Variants in CLDN2 observed in about 807,000 individuals in gnomAD.
The protein encoded by CLDN2 is claudin 2, also known as claudin-2.
A neutral mutation model predicts 8.2 loss-of-function variants in CLDN2; 1 was observed. The observed-to-expected ratio is 0.12, with a 90% CI of 0.04 to 0.58. The LOEUF (loss-of-function observed/expected upper bound fraction) is 0.58. Ranked by LOEUF, CLDN2 falls within the 20% of genes least tolerant of loss-of-function variation. The pLI is 0.90. For synonymous variants in CLDN2, 70 were observed against 70.2 expected (o/e 1.00, Z 0.01); for missense variants, 108 against 172.9 (o/e 0.62, Z 2.11).
chrX:106,900,941 G>A, intron 1 of CLDN2: 5 of 1,195,258 alleles, frequency 4.2e-6, no homozygotes, highest in Non-Finnish European at 5.6e-6. Flanking sequence ...GCCCCTAACA[G>A]GTGTCATATG....
At chrX:106,907,055 C>T (rs1933189254) in intron 1 of CLDN2, among the ~76,000 whole-genome samples, 1 of 112,193 alleles carries the variant, frequency 8.9e-6, no homozygotes, top group Non-Finnish European at 1.9e-5. Flanking sequence ...TTGGCTCCAG[C>T]CACATTATCT....
At chrX:106,914,149 C>A (rs190388395), upstream of CLDN2, among the ~76,000 whole-genome samples, 99 of 108,522 alleles carry the variant, frequency 9.1e-4, 2 homozygotes, top group African/African-American at 3.2e-3. Context: ...GTGGGTTTTG[C>A]CATGTTGCCC....
chrX:106,923,733 G>C (rs1381711813), intron 1 of CLDN2, among the ~76,000 whole-genome samples: 1 of 111,366 alleles, frequency 9.0e-6, no homozygotes, highest in African/African-American at 3.3e-5. Context: ...CATTCAGGTA[G>C]GGCCATTCCA....
At chrX:106,918,931 C>T (rs1175386934), upstream of CLDN2, among the ~76,000 whole-genome samples, 2 of 112,050 alleles carry the variant, frequency 1.8e-5, no homozygotes. Flanking sequence ...GTTGTATTGG[C>T]CTTTAAAACA....
chrX:106,903,660 A>C (rs1381748840), intron 1 of CLDN2, among the ~76,000 whole-genome samples: 1 of 112,271 alleles, frequency 8.9e-6, no homozygotes, highest in East Asian at 2.8e-4. Context: ...CTCTGAAACC[A>C]CAGAGATGTC....
At chrX:106,927,021 T>G (rs1269304735) in intron 1 of CLDN2, among the ~76,000 whole-genome samples, 3 of 110,885 alleles carry the variant, frequency 2.7e-5, no homozygotes, top group African/African-American at 9.9e-5. Context: ...AGGTCGAGGC[T>G]GCAATGAGCC....
intron 1 of CLDN2, among the ~76,000 whole-genome samples, chrX:106,922,251 C>A (rs146345460): frequency 1.8e-5 from 2 of 112,498 alleles, no homozygotes; most frequent in African/African-American, 3.2e-5. Flanking sequence ...CTGAACCCCC[C>A]CTCCATGGGG....
At chrX:106,911,009 A>G (rs1302187658) in intron 1 of CLDN2, among the ~76,000 whole-genome samples, 2 of 112,249 alleles carry the variant, frequency 1.8e-5, no homozygotes, top group African/African-American at 6.5e-5. Context: ...CACTCAGTAA[A>G]TGGTGACTAT....
intron 1 of CLDN2, chrX:106,900,796 C>T (rs1224094981): frequency 1.7e-6 from 2 of 1,211,315 alleles, no homozygotes; most frequent in South Asian, 1.8e-5. Flanking sequence ...TCTTCTTCTT[C>T]GCTGTCTGAG....
At chrX:106,915,479 T>C (rs750160398), upstream of CLDN2, among the ~76,000 whole-genome samples, 3 of 112,572 alleles carry the variant, frequency 2.7e-5, no homozygotes, top group South Asian at 1.1e-3. Context: ...CTACCACCTC[T>C]TATTTTACAA....
At chrX:106,900,189 A>G (rs1047778546) in exon 1 of CLDN2, 4 of 112,360 alleles carry the variant, frequency 3.6e-5, no homozygotes, top group African/African-American at 1.3e-4. Flanking sequence ...TTCTCTACAC[A>G]CTGCCTTCCC....
At chrX:106,900,668 G>C (rs922150854) in intron 1 of CLDN2, 1 of 1,129,083 alleles carries the variant, frequency 8.9e-7, no homozygotes, top group Non-Finnish European at 1.2e-6. Context: ...TTAGGGGTGA[G>C]GAAGGGGGAT....
chrX:106,925,824 T>C (rs1933457950), intron 1 of CLDN2, among the ~76,000 whole-genome samples: 1 of 112,079 alleles, frequency 8.9e-6, no homozygotes, highest in Non-Finnish European at 1.9e-5. Flanking sequence ...CTGGCCAGCA[T>C]GGCAAAACCC....
At chrX:106,903,231 G>C (rs968459718) in intron 1 of CLDN2, 1 of 1,208,962 alleles carries the variant, frequency 8.3e-7, no homozygotes. Context: ...CTGGAGCTAG[G>C]GCCAAAGCCA....
At position 106,906,773 on chromosome X, in the gene CLDN2, T is replaced by C. The variant is rs779877872; in HGVS notation, c.-179+6269T>C. Among the ~76,000 whole-genome samples, 7 of 111,410 alleles carry C rather than the reference T, an allele frequency of 6.3e-5. No individual in the cohort carries two copies. The East Asian group carries it at 2.0e-3, about 32-fold the overall frequency. On this transcript the variant is annotated intron_variant, in intron 1 of 1. Coordinates refer to the CLDN2 transcript ENST00000541806. ...CCTTCCTCCAGCCATTTGTTATGCTTCTTGTCTTCGGGAAAGTTCAGCTTC... is the reference window on the plus strand; with the variant it reads ...CCTTCCTCCAGCCATTTGTTATGCTCCTTGTCTTCGGGAAAGTTCAGCTTC...
upstream of CLDN2, among the ~76,000 whole-genome samples, chrX:106,915,087 A>C (rs896771804): frequency 2.7e-5 from 3 of 112,226 alleles, no homozygotes; most frequent in African/African-American, 9.8e-5. Flanking sequence ...CATTTCAAGA[A>C]TGTCATATAA....
At chrX:106,925,911 C>T (rs1163446070) in intron 1 of CLDN2, among the ~76,000 whole-genome samples, 3 of 111,908 alleles carry the variant, frequency 2.7e-5, no homozygotes, top group African/African-American at 9.8e-5. Flanking sequence ...GAAGCTGAGG[C>T]ACAAGAATCA....
At chrX:106,904,511 T>C (rs1933153304) in intron 1 of CLDN2, among the ~76,000 whole-genome samples, 1 of 112,495 alleles carries the variant, frequency 8.9e-6, no homozygotes, top group Admixed American at 9.4e-5. Flanking sequence ...TCCTTGCAAC[T>C]GAATGCCAAG....
chrX:106,916,157 G>C (rs537688923), upstream of CLDN2, among the ~76,000 whole-genome samples: 2 of 110,912 alleles, frequency 1.8e-5, no homozygotes, highest in South Asian at 3.9e-4. Context: ...GACAATTGGT[G>C]GGGGGATAAC....
Sources: allele counts gnomAD v4.1 joint callset (sites outside exome capture counted in the v4.1 genomes callset), GRCh38; gene constraint gnomAD v4.1.1; transcripts MANE v1.5; gene names NCBI Gene and HGNC (gene_info 2026-07-23, HGNC 2026-07-21).